The following AGAP1 variants were observed in gnomAD, a reference collection of about 807,000 sequenced individuals.
The protein encoded by AGAP1 is ArfGAP with GTPase domain, ankyrin repeat and PH domain 1, also known as arf-GAP with GTPase, ANK repeat and PH domain-containing protein 1.
Under a neutral mutation model 105.3 loss-of-function variants are expected in AGAP1, and 29 were observed. That is an observed-to-expected ratio of 0.28 (90% CI 0.21 to 0.38). The LOEUF (loss-of-function observed/expected upper bound fraction) is 0.38, where lower values mean the gene tolerates loss of function less well. Among genes scored for constraint, AGAP1 ranks in the 10% least tolerant of loss-of-function variants. AGAP1 has a pLI of 1.00. For missense variants in AGAP1, 998 were observed against 1,165.1 expected, an observed-to-expected ratio of 0.86 and a Z score of 2.09; for synonymous variants, 509 against 485.9, an observed-to-expected ratio of 1.05 and a Z score of -0.63.
At chr2:235,870,148 G>C (rs1344382024) in intron 9 of AGAP1, among the ~76,000 whole-genome samples, 1 of 152,166 alleles carries the variant, frequency 6.6e-6, no homozygotes, top group Admixed American at 6.5e-5. Flanking sequence ...CCTGTCCCCA[G>C]CTACCCAAAG....
rs1021470908 is a variant in AGAP1, at chr2:235,611,275, A to G, written c.164-97904A>G. Among the ~76,000 whole-genome samples the G allele has an allele frequency of 6.6e-6, 1 of 152,216 alleles. No individual in the cohort carries two copies. Among genetic ancestry groups the G allele is most frequent in the African/African-American group, 2.4e-5 (1 of 41,454 alleles). On this transcript the variant is annotated intron_variant, in intron 1 of 17. Transcript: ENST00000304032. The surrounding 1 kb of genome is among the most constrained non-coding windows in gnomAD (Gnocchi z 5.0). ...GTTTGACTCCCTTGTGGCCCACACAACACTTTCGTTGGAGATGAAGAGTCT... is the reference window on the plus strand; with the variant it reads ...GTTTGACTCCCTTGTGGCCCACACAGCACTTTCGTTGGAGATGAAGAGTCT...
chr2:235,728,320 T>TGTGTGTGTGTGTGTGTGTGTGTGCGC lies in AGAP1; in HGVS notation c.310+10683_310+10684insTGTGTGTGTGTGTGTGCGCGTGTGTG, dbSNP rs1328525428. On this transcript the variant is annotated intron_variant, in intron 3 of 17. Transcript: ENST00000304032. The surrounding 1 kb of genome is among the most constrained non-coding windows in gnomAD (Gnocchi z 4.3). The stretch of plus-strand genomic sequence containing the variant: ...CAGACTCTGTGTGTGTGTGTGTGTG[T>TGTGTGTGTGTGTGTGTGTGTGTGCGC]GTGTGTGCGTGCTCTTAAATCAATG... Among the ~76,000 whole-genome samples the TGTGTGTGTGTGTGTGTGTGTGTGCGC allele has an allele frequency of 2.7e-4, 41 of 151,834 alleles. No individual in the cohort carries two copies. Among genetic ancestry groups the TGTGTGTGTGTGTGTGTGTGTGTGCGC allele is most frequent in the African/African-American group, 9.5e-4 (39 of 41,268 alleles).
Position 236,124,064 on chromosome 2 carries a change from T to C in AGAP1, c.2516T>C (p.Leu839Pro), listed in dbSNP as rs764657379. Reference sequence around the variant, plus strand: ...TTCGTGCTCATGGCCACCCCTAACCTGTCCAGGAGAAACAATAACCGGAAC... The same window carrying C: ...TTCGTGCTCATGGCCACCCCTAACCCGTCCAGGAGAAACAATAACCGGAAC... ...ERFVLMATPNLSRRNNNRNNS... is the reference protein window; with the variant it reads ...ERFVLMATPNPSRRNNNRNNS... Residue 839 changes from leucine to proline, a missense_variant, in exon 18 of 18, where the codon CTG becomes CCG. By Grantham distance (98) the Leu-to-Pro change is moderately conservative. Transcript: ENST00000304032. This position sits in a 1 kb window ranked among gnomAD's most constrained non-coding sequence, Gnocchi z 5.1. 2.5e-6 allele frequency: 4 copies of C among 1,613,898 alleles called. No homozygotes were observed. The highest frequency in any genetic ancestry group is 4.5e-5 in the East Asian group (2 of 44,876).
chr2:236,071,890 G>A (rs939819436), intron 16 of AGAP1, among the ~76,000 whole-genome samples: 10 of 152,226 alleles, frequency 6.6e-5, no homozygotes, highest in Middle Eastern at 3.4e-3. Context: ...ACACAGAGTC[G>A]TAATTTTTCT....
At position 236,040,743 on chromosome 2, in the gene AGAP1, G is replaced by A. The variant is rs373853087; in HGVS notation, c.1801-8G>A. The A allele has an allele frequency of 5.6e-5, 90 of 1,612,612 alleles. No homozygotes were observed. Among genetic ancestry groups the A allele is most frequent in the South Asian group, 2.3e-4 (21 of 91,014 alleles). On this transcript the variant is annotated splice_polypyrimidine_tract_variant and splice_region_variant and intron_variant, in intron 14 of 17. Coordinates refer to ENST00000304032, the MANE Select transcript of AGAP1 (RefSeq NM_001037131.3). This position sits in a 1 kb window ranked among gnomAD's most constrained non-coding sequence, Gnocchi z 5.6. ...ACGCCTTGTATTTGTGTCTTCCTCC[G>A]TGCCCAGTCCCGGCTGACGAGCCAG...
At chr2:235,647,214 G>A (rs1196771848) in intron 1 of AGAP1, among the ~76,000 whole-genome samples, 7 of 152,036 alleles carry the variant, frequency 4.6e-5, no homozygotes, top group African/African-American at 1.4e-4. Flanking sequence ...AAAGGTTCCA[G>A]TCTGGTCACA....
At chr2:235,607,433 C>A (rs1410540546) in intron 1 of AGAP1, among the ~76,000 whole-genome samples, 1 of 152,272 alleles carries the variant, frequency 6.6e-6, no homozygotes, top group Non-Finnish European at 1.5e-5. Flanking sequence ...GGGCTCCCCA[C>A]AGCAACAAGC....
Position 235,908,995 on chromosome 2 carries a change from T to A in AGAP1, c.1324+89T>A. 8.0e-7 allele frequency: 1 copy of A among 1,245,704 alleles called. No homozygotes were observed. Among genetic ancestry groups the A allele is most frequent in the Non-Finnish European group, 1.1e-6 (1 of 885,554 alleles). 77.2% of individuals were successfully genotyped at this position (1,245,704 alleles called of 1,614,324 possible). ...GATAATGTTGGACTCCTAGGTTAAG[T>A]GGAGACAGTAACTATCACATTACAG... On this transcript the variant is annotated intron_variant, in intron 11 of 17. Coordinates refer to ENST00000304032, the MANE Select transcript of AGAP1 (RefSeq NM_001037131.3). The surrounding 1 kb of genome is among the most constrained non-coding windows in gnomAD (Gnocchi z 4.4).
intron 16 of AGAP1, among the ~76,000 whole-genome samples, chr2:236,057,827 G>T (rs2058090721): frequency 6.6e-6 from 1 of 152,118 alleles, no homozygotes; most frequent in African/African-American, 2.4e-5. Flanking sequence ...TGTAGAGTTA[G>T]TGCTAAAAGA....
rs1553574141 is a variant in AGAP1, at chr2:235,590,680, T to TGTGTGTGTGTGTGC, written c.163+95836_163+95837insTGTGTGTGCGTGTG. ...TTTTGTTTTAATGTGTGTGTGTGTG[T>TGTGTGTGTGTGTGC]GTGTGCGTGTGCGTGTGTGTGTGTG... On this transcript the variant is annotated intron_variant, in intron 1 of 17. Coordinates refer to ENST00000304032, the MANE Select transcript of AGAP1 (RefSeq NM_001037131.3). 3.4e-5 allele frequency among the ~76,000 whole-genome samples: 4 copies of TGTGTGTGTGTGTGC among 116,570 alleles called. No individual in the cohort carries two copies. The South Asian group carries it at 9.1e-4, about 26-fold the overall frequency. The allele number at this position is 116,570 out of a possible 152,430, so 76.5% of individuals were successfully genotyped here.
chr2:235,523,568 C>G (rs961525225), intron 1 of AGAP1, among the ~76,000 whole-genome samples: 4 of 152,142 alleles, frequency 2.6e-5, no homozygotes. Flanking sequence ...AAGCTCCCTC[C>G]CAGCCCTTAG....
In AGAP1 at chr2:235,864,522, GC is replaced by G. The variant is rs1384297129; in HGVS notation, c.1051-18819del. The stretch of plus-strand genomic sequence containing the variant: ...TTGAGCGTTTCCGCTCCACTGCGCG[GC>G]CCCGGAGCCCCCAAACGCAGGTCAG... On this transcript the variant is annotated intron_variant, in intron 9 of 17. Transcript: ENST00000304032. This position sits in a 1 kb window ranked among gnomAD's most constrained non-coding sequence, Gnocchi z 5.0. Among the ~76,000 whole-genome samples, 1 of 152,186 alleles carries G rather than the reference GC, an allele frequency of 6.6e-6. No homozygotes were observed. Among genetic ancestry groups the G allele is most frequent in the Non-Finnish European group, 1.5e-5 (1 of 68,038 alleles).
rs371035535 is a variant in AGAP1 at position 235,621,182 on chromosome 2, C to T, written c.164-87997C>T. 3.6e-3 allele frequency among the ~76,000 whole-genome samples: 550 copies of T among 152,238 alleles called. 9 individuals are homozygous for T. The highest frequency in any genetic ancestry group is 0.011 in the African/African-American group (477 of 41,546). ...GACTACAGGCGCCCGCCACCACACCCGGCTATTTTTTGTATTTTTAGTACA... is the reference window on the plus strand; with the variant it reads ...GACTACAGGCGCCCGCCACCACACCTGGCTATTTTTTGTATTTTTAGTACA... On this transcript the variant is annotated intron_variant, in intron 1 of 17. Coordinates refer to ENST00000304032, the MANE Select transcript of AGAP1 (RefSeq NM_001037131.3). This position sits in a 1 kb window ranked among gnomAD's most constrained non-coding sequence, Gnocchi z 4.1.
intron 13 of AGAP1, among the ~76,000 whole-genome samples, chr2:235,991,605 G>C (rs1047462548): frequency 2.0e-5 from 3 of 152,176 alleles, no homozygotes; most frequent in African/African-American, 7.2e-5. Flanking sequence ...TATTTTGCGA[G>C]GTTGGTGCAT....
chr2:236,053,062 T>C lies in AGAP1; in HGVS notation c.2114+3781T>C, dbSNP rs1355513549. On this transcript the variant is annotated intron_variant, in intron 16 of 17. Transcript: ENST00000304032. This position sits in a 1 kb window ranked among gnomAD's most constrained non-coding sequence, Gnocchi z 4.6. ...CGGCTTGTGCGTGTGTGCGGTACCA[T>C]AACGTAGCGTGTTGTAGGGCGTCGA... Among the ~76,000 whole-genome samples, 1 of 152,124 alleles carries C rather than the reference T, an allele frequency of 6.6e-6. No homozygotes were observed. The highest frequency in any genetic ancestry group is 1.9e-4 in the East Asian group (1 of 5,164).
Position 235,633,547 on chromosome 2 carries a change from C to T in AGAP1, c.164-75632C>T, listed in dbSNP as rs1249819941. 6.6e-6 allele frequency among the ~76,000 whole-genome samples: 1 copy of T among 152,110 alleles called. No homozygotes were observed. Among genetic ancestry groups the T allele is most frequent in the South Asian group, 2.1e-4 (1 of 4,822 alleles). On this transcript the variant is annotated intron_variant, in intron 1 of 17. Coordinates refer to ENST00000304032, the MANE Select transcript of AGAP1 (RefSeq NM_001037131.3). This position sits in a 1 kb window ranked among gnomAD's most constrained non-coding sequence, Gnocchi z 4.8. Reference sequence around the variant, plus strand: ...GGAGGAGGTTGCAGTGAGTCAAGATCGCACCATTGCACTCCAGCCTGGGTG... The same window carrying T: ...GGAGGAGGTTGCAGTGAGTCAAGATTGCACCATTGCACTCCAGCCTGGGTG...
rs1346191317 is a variant in AGAP1 at position 236,042,206 on chromosome 2, G to A, written c.1891+1365G>A. Among the ~76,000 whole-genome samples the A allele has an allele frequency of 6.6e-6, 1 of 152,150 alleles. No homozygotes were observed. Among genetic ancestry groups the A allele is most frequent in the African/African-American group, 2.4e-5 (1 of 41,432 alleles). ...GCAAAGCAGGGAGGAGGCCAGCCAG[G>A]GTCGGCTTGGCCGGGAAGGGAGACA... is the stretch of plus-strand genomic sequence containing the variant. On this transcript the variant is annotated intron_variant, in intron 15 of 17. Transcript: ENST00000304032. The surrounding 1 kb of genome is among the most constrained non-coding windows in gnomAD (Gnocchi z 5.6).
intron 16 of AGAP1, among the ~76,000 whole-genome samples, chr2:236,063,239 G>A (rs1372159127): frequency 2.0e-5 from 3 of 152,144 alleles, no homozygotes; most frequent in Admixed American, 1.3e-4. Context: ...ACAGGTACCC[G>A]CCACCATTAA....
intron 1 of AGAP1, among the ~76,000 whole-genome samples, chr2:235,644,949 G>C (rs1420394729): frequency 1.3e-5 from 2 of 151,438 alleles, no homozygotes; most frequent in Non-Finnish European, 2.9e-5. Flanking sequence ...AGACTGGAGT[G>C]CAATGGCGCG....
Sources: gnomAD v4.1 joint callset for allele counts (sites outside exome capture counted in the v4.1 genomes callset) on GRCh38, gnomAD v4.1.1 for gene constraint, Gnocchi (gnomAD v3.1) non-coding constraint, MANE v1.5 for transcripts, NCBI Gene and HGNC (gene_info 2026-07-23, HGNC 2026-07-21) for gene names.